Variants in PTPRK observed in about 807,000 individuals in gnomAD.
The protein encoded by PTPRK is receptor-type tyrosine-protein phosphatase kappa.
In PTPRK, 75 loss-of-function variants were observed where a neutral mutation model predicts 178.0. The observed-to-expected ratio is 0.42, with a 90% confidence interval of 0.35 to 0.51. PTPRK has a LOEUF of 0.51. Among genes scored for constraint, PTPRK ranks in the 20% least tolerant of loss-of-function variants. The probability of loss-of-function intolerance (pLI) is 0.02; values close to 1 mark genes in which losing one functional copy is unlikely to be tolerated. For synonymous variants in PTPRK, 637 were observed against 620.6 expected (o/e 1.03, Z -0.39); for missense variants, 1,441 against 1,797.8 (o/e 0.80, Z 3.59).
chr6:127,977,001 A>G lies in PTPRK; in HGVS notation c.3765T>C (p.Thr1255=), dbSNP rs1774678629. ...ACACTAATCTCCAGAAGTCTTTTAC[A>G]GTGTTTGGCAGAGGGTATTGTGTGA... ...FIVTQYPLPN[T]VKDFWRLVYD... The change falls in exon 26 of 30, where the codon ACT becomes ACC. Residue 1255 remains threonine, a synonymous_variant. Transcript: ENST00000368226. 1 of 1,613,958 alleles carries G rather than the reference A, an allele frequency of 6.2e-7. No individual in the cohort carries two copies. The highest frequency in any genetic ancestry group is 8.5e-7 in the Non-Finnish European group (1 of 1,179,974).
chr6:128,481,095 T>C (rs924559893), intron 1 of PTPRK, among the ~76,000 whole-genome samples: 1 of 150,466 alleles, frequency 6.6e-6, no homozygotes, highest in Non-Finnish European at 1.5e-5. Flanking sequence ...AAGAGTCAAA[T>C]AGGTTTGCAT....
chr6:128,049,400 C>T (rs1035404634), intron 13 of PTPRK, among the ~76,000 whole-genome samples: 1 of 152,126 alleles, frequency 6.6e-6, no homozygotes, highest in African/African-American at 2.4e-5. Context: ...AAGGATTATT[C>T]AGCATCTTGA....
At chr6:128,218,811 G>T in intron 6 of PTPRK, 111 bp downstream of exon 6, 2 of 967,390 alleles carry the variant, frequency 2.1e-6, no homozygotes, top group Non-Finnish European at 3.0e-6. Flanking sequence ...TTTTTATAGT[G>T]ACTTGACATC....
intron 13 of PTPRK, among the ~76,000 whole-genome samples, chr6:128,051,313 CT>C (rs1778963109): frequency 6.6e-6 from 1 of 152,124 alleles, no homozygotes; most frequent in African/African-American, 2.4e-5. Context: ...TAGCAATCTC[CT>C]TTTTATCAGT....
At chr6:128,332,007 A>AC (rs1056165749) in intron 2 of PTPRK, among the ~76,000 whole-genome samples, 2 of 4,760 alleles carry the variant, frequency 4.2e-4, no homozygotes, top group African/African-American at 4.9e-4. Flanking sequence ...CAGGCAACAC[A>AC]AAAAAACTAA....
intron 7 of PTPRK, among the ~76,000 whole-genome samples, chr6:128,119,105 A>G (rs1792032806): frequency 6.6e-6 from 1 of 152,196 alleles, no homozygotes; most frequent in South Asian, 2.1e-4. Context: ...CCTATTGGCT[A>G]AATAACATAT....
At position 127,982,710 on chromosome 6, in the gene PTPRK, T is replaced by C. The variant is rs544009018; in HGVS notation, c.3537+121A>G. 3 of 773,956 alleles carry C rather than the reference T, an allele frequency of 3.9e-6. 1 individual carries two copies. The highest frequency in any genetic ancestry group is 4.4e-5 in the South Asian group (2 of 45,490). 47.9% of individuals were successfully genotyped at this position (773,956 alleles called of 1,614,324 possible). A position where few individuals can be genotyped will look rare whatever the true frequency, so the allele number is the denominator to read the frequency against. ...ATATGTATAATGAAAGAGATACGTATTGTATTTAAAACAGGATCAAAGGTT... is the reference window on the plus strand; with the variant it reads ...ATATGTATAATGAAAGAGATACGTACTGTATTTAAAACAGGATCAAAGGTT... On this transcript the variant is annotated intron_variant, in intron 24 of 29. Transcript: ENST00000368226.
intron 13 of PTPRK, among the ~76,000 whole-genome samples, chr6:128,022,249 T>C (rs1773627005): frequency 6.6e-6 from 1 of 152,176 alleles, no homozygotes; most frequent in Non-Finnish European, 1.5e-5. Flanking sequence ...CATACTCCTT[T>C]CTTCTTTATG....
At chr6:128,318,891 T>G (rs552124338) in intron 3 of PTPRK, among the ~76,000 whole-genome samples, 1 of 152,306 alleles carries the variant, frequency 6.6e-6, no homozygotes, top group African/African-American at 2.4e-5. Context: ...GAATCTACAG[T>G]ACTTATTTGT....
chr6:128,043,416 G>A (rs1204100527), intron 13 of PTPRK, among the ~76,000 whole-genome samples: 1 of 149,966 alleles, frequency 6.7e-6, no homozygotes, highest in Non-Finnish European at 1.5e-5. Context: ...AGAGGGCATT[G>A]ACTTAGGTCA....
chr6:128,199,276 CAAT>C (rs1354023077), intron 6 of PTPRK, among the ~76,000 whole-genome samples: 1 of 152,062 alleles, frequency 6.6e-6, no homozygotes, highest in Non-Finnish European at 1.5e-5. Context: ...GATTTCATAA[CAAT>C]GATGTTCTAT....
At chr6:128,194,056 T>TTTTATATATATATA (rs1804383210) in intron 6 of PTPRK, among the ~76,000 whole-genome samples, 1 of 138,010 alleles carries the variant, frequency 7.2e-6, no homozygotes, top group Admixed American at 7.4e-5. Context: ...GCAATAATAT[T>TTTTATATATATATA]TATATATATA....
chr6:128,006,135 A>G (rs1456120778), intron 14 of PTPRK: 17 of 951,618 alleles, frequency 1.8e-5, no homozygotes, highest in Non-Finnish European at 2.6e-5. Context: ...TCAATAAAGC[A>G]GAAAAATGTG....
intron 11 of PTPRK, among the ~76,000 whole-genome samples, chr6:128,070,772 T>C (rs1782676818): frequency 6.6e-6 from 1 of 151,774 alleles, no homozygotes; most frequent in African/African-American, 2.4e-5. Flanking sequence ...GCTGATACAA[T>C]AGCCATTACA....
At chr6:128,178,331 G>A (rs1179110813) in intron 7 of PTPRK, among the ~76,000 whole-genome samples, 1 of 151,728 alleles carries the variant, frequency 6.6e-6, no homozygotes, top group Non-Finnish European at 1.5e-5. Context: ...GTGGCGATGT[G>A]TACAACTTGG....
At chr6:128,046,968 CA>C (rs1318114225) in intron 13 of PTPRK, among the ~76,000 whole-genome samples, 1 of 152,068 alleles carries the variant, frequency 6.6e-6, no homozygotes, top group Non-Finnish European at 1.5e-5. Context: ...CATCCATCTG[CA>C]CAGAGAAAAG....
chr6:128,404,364 T>A (rs1349896585), intron 1 of PTPRK, among the ~76,000 whole-genome samples: 2 of 152,210 alleles, frequency 1.3e-5, no homozygotes, highest in Non-Finnish European at 2.9e-5. Context: ...GGGAAATACC[T>A]CATGCCCTAG....
chr6:128,430,413 C>T (rs1844684349), intron 1 of PTPRK, among the ~76,000 whole-genome samples: 1 of 152,142 alleles, frequency 6.6e-6, no homozygotes, highest in Non-Finnish European at 1.5e-5. Context: ...TAGTTGTCCT[C>T]CCAAGTCATC....
rs181373841 is a variant in PTPRK, at chr6:128,269,971, G to C, written c.496-27369C>G. 6.6e-5 allele frequency among the ~76,000 whole-genome samples: 10 copies of C among 152,212 alleles called. No individual in the cohort carries two copies. The East Asian group carries it at 1.9e-3, about 29-fold the overall frequency. On this transcript the variant is annotated intron_variant, in intron 3 of 29. Transcript: ENST00000368226. ...AATCAATTTAGCATTTTCTGTGACTGCAAGAAAGTCTTTAAACCAAGTAAA... is the reference window on the plus strand; with the variant it reads ...AATCAATTTAGCATTTTCTGTGACTCCAAGAAAGTCTTTAAACCAAGTAAA...
Sources: allele counts gnomAD v4.1 joint callset (sites outside exome capture counted in the v4.1 genomes callset), GRCh38; gene constraint gnomAD v4.1.1; transcripts MANE v1.5; gene names NCBI Gene and HGNC (gene_info 2026-07-23, HGNC 2026-07-21).